Variants in C16orf96 observed in about 807,000 individuals in gnomAD.
C16orf96 encodes chromosome 16 open reading frame 96.
C16orf96 carries 108 observed loss-of-function variants against 103.6 expected under a neutral mutation model. That is an observed-to-expected ratio of 1.04 (90% CI 0.89 to 1.22). The LOEUF (loss-of-function observed/expected upper bound fraction) is 1.22, where lower values mean the gene tolerates loss of function less well. Among genes scored for constraint, C16orf96 ranks in the 50% most tolerant of loss-of-function variants. C16orf96 has a pLI of 0.00. For synonymous variants in C16orf96, 566 were observed against 593.5 expected (o/e 0.95, Z 0.67); for missense variants, 1,586 against 1,464.2 (o/e 1.08, Z -1.36).
intron 14 of C16orf96, among the ~76,000 whole-genome samples, chr16:4,596,360 C>T (rs1596540531): frequency 6.6e-6 from 1 of 151,980 alleles, no homozygotes; most frequent in Admixed American, 6.6e-5. Flanking sequence ...TGACACACGC[C>T]GTTAATCCCA....
At chr16:4,579,847 T>C (rs1213171855) in intron 6 of C16orf96, among the ~76,000 whole-genome samples, 168 bp from the exon 7 acceptor site, 1 of 151,996 alleles carries the variant, frequency 6.6e-6, no homozygotes, top group East Asian at 1.9e-4. Flanking sequence ...CTGACCTCAG[T>C]TGATCTACCC....
At chr16:4,560,535 T>C (rs1386208460) in intron 1 of C16orf96, 3 of 151,744 alleles carry the variant, frequency 2.0e-5, no homozygotes, top group Admixed American at 6.6e-5. Context: ...ATATTATGGG[T>C]ATTTTACCAC....
intron 7 of C16orf96, among the ~76,000 whole-genome samples, chr16:4,586,838 C>A (rs2141747788): frequency 6.6e-6 from 1 of 152,296 alleles, no homozygotes; most frequent in African/African-American, 2.4e-5. Context: ...GACAGCTTGT[C>A]CCAAGTCGCA....
intron 1 of C16orf96, among the ~76,000 whole-genome samples, chr16:4,567,752 G>T (rs1396212962): frequency 8.6e-6 from 1 of 115,758 alleles, no homozygotes; most frequent in Non-Finnish European, 1.6e-5. Flanking sequence ...AGGATGGAGT[G>T]CAATGGCATG....
At chr16:4,587,839 G>A (rs1361586983) in intron 8 of C16orf96, among the ~76,000 whole-genome samples, 1 of 152,122 alleles carries the variant, frequency 6.6e-6, no homozygotes, top group East Asian at 1.9e-4. Flanking sequence ...AGGAGGCTGA[G>A]GTGGAAGGAT....
chr16:4,600,181 C>T lies in C16orf96; in HGVS notation c.3290C>T (p.Pro1097Leu). 1.9e-6 allele frequency: 3 copies of T among 1,551,660 alleles called. No homozygotes were observed. Among genetic ancestry groups the T allele is most frequent in the Non-Finnish European group, 2.6e-6 (3 of 1,146,986 alleles). ...CCAGCTCGACCACCTTCCCTGCCAC[C>T]TCTGCTGCTGCTGCCACCGCTGATT... ...TMPARPPSLP[P>L]LLLLPPLIPS... is the part of the protein sequence containing the mutation. The change falls in exon 16 of 16, where the codon CCT becomes CTT. Residue 1097 changes from proline to leucine, a missense_variant. Transcript: ENST00000444310.
chr16:4,542,102 T>A, the C16orf96 span, among the ~76,000 whole-genome samples: 1 of 152,240 alleles, frequency 6.6e-6, no homozygotes, highest in Non-Finnish European at 1.5e-5. Context: ...CTGGTCCCTG[T>A]GGCTCACACC....
chr16:4,592,926 C>T (rs1372889919), intron 11 of C16orf96, among the ~76,000 whole-genome samples: 1 of 152,234 alleles, frequency 6.6e-6, no homozygotes, highest in African/African-American at 2.4e-5. Flanking sequence ...CCGCCCACCT[C>T]AGCCTCCCAA....
At chr16:4,547,685 C>CT in the C16orf96 span, among the ~76,000 whole-genome samples, 10 of 107,676 alleles carry the variant, frequency 9.3e-5, no homozygotes, top group African/African-American at 4.4e-4. Flanking sequence ...TCCTTCCTTC[C>CT]TTCCTTCTTT....
At position 4,575,311 on chromosome 16, in the gene C16orf96, G is replaced by A. The variant is rs1440173883; in HGVS notation, c.831G>A (p.Leu277=). 2.6e-6 allele frequency: 4 copies of A among 1,551,258 alleles called. No individual in the cohort carries two copies. The highest frequency in any genetic ancestry group is 3.5e-6 in the Non-Finnish European group (4 of 1,146,990). Residue 277 remains leucine, a synonymous_variant, in exon 5 of 16, where the codon CTG becomes CTA. Coordinates refer to ENST00000444310, the MANE Select transcript of C16orf96 (RefSeq NM_001145011.2). ...VSEPVQNPQL[L]QTVWHYEVPE... is the part of the protein sequence containing the mutation. The stretch of plus-strand genomic sequence containing the variant: ...AGCCCGTCCAAAACCCCCAGCTACT[G>A]CAGACTGTCTGGCATTATGAGGTCC...
At chr16:4,578,210 A>T (rs1279469586) in intron 5 of C16orf96, among the ~76,000 whole-genome samples, 1 of 152,146 alleles carries the variant, frequency 6.6e-6, no homozygotes, top group Non-Finnish European at 1.5e-5. Context: ...TGGCGTGATC[A>T]CAGCTCACTG....
the C16orf96 span, among the ~76,000 whole-genome samples, chr16:4,545,993 G>T: frequency 6.6e-6 from 1 of 151,646 alleles, no homozygotes; most frequent in Non-Finnish European, 1.5e-5. Flanking sequence ...GGGACTACAG[G>T]TGCACACCAC....
chr16:4,574,929 C>A (rs771124202), intron 3 of C16orf96, 43 bp from the exon 4 acceptor site: 3 of 1,539,162 alleles, frequency 1.9e-6, no homozygotes, highest in East Asian at 4.9e-5. Flanking sequence ...GGACACTGCC[C>A]CCTCCAGGCT....
At chr16:4,567,163 T>TG (rs1274357142) in intron 1 of C16orf96, among the ~76,000 whole-genome samples, 1 of 152,174 alleles carries the variant, frequency 6.6e-6, no homozygotes, top group African/African-American at 2.4e-5. Context: ...AAGTGTCTAA[T>TG]CACCACTTTA....
At chr16:4,543,378 G>C in the C16orf96 span, among the ~76,000 whole-genome samples, 27 of 152,298 alleles carry the variant, frequency 1.8e-4, no homozygotes, top group South Asian at 5.2e-3. Flanking sequence ...GGGCCTTATA[G>C]ACCAATCTGT....
At chr16:4,547,429 G>A in the C16orf96 span, among the ~76,000 whole-genome samples, 89 of 148,876 alleles carry the variant, frequency 6.0e-4, no homozygotes, top group African/African-American at 2.2e-3. Context: ...GAGCCACTGC[G>A]CACGGCCCAC....
the C16orf96 span, among the ~76,000 whole-genome samples, chr16:4,549,920 C>T: frequency 3.6e-3 from 554 of 152,262 alleles, 11 homozygotes; most frequent in East Asian, 0.03. Context: ...CAGATGTTGG[C>T]GCTGTGCTTT....
chr16:4,540,081 C>T, the C16orf96 span, among the ~76,000 whole-genome samples: 1 of 152,198 alleles, frequency 6.6e-6, no homozygotes, highest in Non-Finnish European at 1.5e-5. Context: ...TATTGCAGTT[C>T]CCCTGTCTTG....
At chr16:4,573,430 C>T (rs1665691753) in intron 2 of C16orf96, among the ~76,000 whole-genome samples, 2 of 109,466 alleles carry the variant, frequency 1.8e-5, no homozygotes, top group Non-Finnish European at 3.7e-5. Context: ...CAGAGCAAGA[C>T]TCCGTCTCAA....
Sources: gnomAD v4.1 joint callset for allele counts (sites outside exome capture counted in the v4.1 genomes callset) on GRCh38, gnomAD v4.1.1 for gene constraint, MANE v1.5 for transcripts, NCBI Gene and HGNC (gene_info 2026-07-23, HGNC 2026-07-21) for gene names.